The following KCNIP4 variants were observed in gnomAD, a reference collection of about 807,000 sequenced individuals.
The protein encoded by KCNIP4 is Kv channel-interacting protein 4.
In KCNIP4, 12 loss-of-function variants were observed where a neutral mutation model predicts 34.0. The observed-to-expected ratio is 0.35, with a 90% CI of 0.23 to 0.57. The LOEUF (loss-of-function observed/expected upper bound fraction) is 0.57. Among genes scored for constraint, KCNIP4 ranks in the 20% least tolerant of loss-of-function variants. The pLI is 0.83. For synonymous variants in KCNIP4, 124 were observed against 102.2 expected, an observed-to-expected ratio of 1.21 and a Z score of -1.29; for missense variants, 238 against 311.7, an observed-to-expected ratio of 0.76 and a Z score of 1.78.
At position 20,870,695 on chromosome 4, in the gene KCNIP4, A is replaced by G. The variant is rs1723359296; in HGVS notation, c.163+11913T>C. Among the ~76,000 whole-genome samples the G allele has an allele frequency of 2.6e-5, 4 of 152,254 alleles. No homozygotes were observed. The South Asian group carries it at 6.2e-4, about 24-fold the overall frequency. On this transcript the variant is annotated intron_variant, in intron 2 of 8. Transcript: ENST00000382152. ...GTTTGGAATTGATAGGGGAATAAAA[A>G]TCATCTTTTGGAATAGAATTTGAGA...
At chr4:21,896,819 T>G (rs1412574977) in intron 1 of KCNIP4, among the ~76,000 whole-genome samples, 1 of 151,956 alleles carries the variant, frequency 6.6e-6, no homozygotes, top group Non-Finnish European at 1.5e-5. Flanking sequence ...CTCAGGAGGC[T>G]GAGGCAGGAA....
intron 1 of KCNIP4, among the ~76,000 whole-genome samples, chr4:21,904,171 G>GA (rs1255362929): frequency 6.6e-6 from 1 of 151,890 alleles, no homozygotes; most frequent in Non-Finnish European, 1.5e-5. Context: ...AAACAAACAG[G>GA]AAAAAAAATT....
chr4:21,499,346 A>AAAAAAAAAAAAAAC (rs1491409328), intron 1 of KCNIP4, among the ~76,000 whole-genome samples: 162 of 148,718 alleles, frequency 1.1e-3, no homozygotes, highest in African/African-American at 3.8e-3. Context: ...AAAAAAAAAA[A>AAAAAAAAAAAAAAC]CAACTACATA....
At chr4:21,501,985 A>G (rs1254139708) in intron 1 of KCNIP4, among the ~76,000 whole-genome samples, 10 of 108,902 alleles carry the variant, frequency 9.2e-5, no homozygotes, top group African/African-American at 4.0e-4. Context: ...TCTCTCTCTC[A>G]TGCACACGCA....
At chr4:21,017,376 G>A (rs899277384) in intron 1 of KCNIP4, among the ~76,000 whole-genome samples, 1 of 152,044 alleles carries the variant, frequency 6.6e-6, no homozygotes, top group South Asian at 2.1e-4. Flanking sequence ...AGTGTGTGTT[G>A]TTCTCCTCAA....
intron 1 of KCNIP4, among the ~76,000 whole-genome samples, chr4:21,136,711 A>G (rs757683043): frequency 6.6e-6 from 1 of 152,148 alleles, no homozygotes; most frequent in Non-Finnish European, 1.5e-5. Context: ...ATCAAGTTCC[A>G]TACTACTGCT....
At chr4:21,861,795 C>T (rs547978131) in intron 1 of KCNIP4, among the ~76,000 whole-genome samples, 1 of 152,282 alleles carries the variant, frequency 6.6e-6, no homozygotes, top group Non-Finnish European at 1.5e-5. Flanking sequence ...TATTGTTCTT[C>T]CTTGATTGAC....
chr4:21,221,501 A>T (rs1385315314), intron 1 of KCNIP4, among the ~76,000 whole-genome samples: 1 of 152,156 alleles, frequency 6.6e-6, no homozygotes, highest in Non-Finnish European at 1.5e-5. Context: ...CCTAGCAAAG[A>T]GGGGAGAGCC....
Position 20,729,493 on chromosome 4 carries a change from TTTTTAAATGTTTAAAA to T in KCNIP4, c.*573_*588del, listed in dbSNP as rs1747285260. 6.6e-6 allele frequency: 1 copy of T among 150,810 alleles called. No individual in the cohort carries two copies. The highest frequency in any genetic ancestry group is 2.4e-5 in the African/African-American group (1 of 41,294). The allele number at this position is 150,810 out of a possible 1,614,324, so 9.3% of individuals were successfully genotyped here. A position where few individuals can be genotyped will look rare whatever the true frequency, so the allele number is the denominator to read the frequency against. Reference sequence around the variant, plus strand: ...AAACTAATTTTTAAATGTTTAATAATTTTTAAATGTTTAAAAATGCCAGATAAAACTAATTTCTAAC... The same window carrying T: ...AAACTAATTTTTAAATGTTTAATAATATGCCAGATAAAACTAATTTCTAAC... On this transcript the variant is annotated 3_prime_UTR_variant, in exon 9 of 9. Coordinates refer to ENST00000382152, the MANE Select transcript of KCNIP4 (RefSeq NM_025221.6).
At chr4:20,925,587 T>C (rs1041317882) in intron 1 of KCNIP4, among the ~76,000 whole-genome samples, 6 of 151,968 alleles carry the variant, frequency 3.9e-5, no homozygotes, top group Non-Finnish European at 5.9e-5. Flanking sequence ...GTCTATAGAG[T>C]AGCGATTCTT....
chr4:21,531,292 T>TTC (rs913414074), intron 1 of KCNIP4, among the ~76,000 whole-genome samples: 2 of 150,804 alleles, frequency 1.3e-5, no homozygotes, highest in Non-Finnish European at 3.0e-5. Context: ...CTTTCCTTCT[T>TTC]TCTCTCTCTC....
rs555486883 is a variant in KCNIP4 at position 21,793,421 on chromosome 4, C to A, written c.61+155150G>T. On this transcript the variant is annotated intron_variant, in intron 1 of 8. Coordinates refer to ENST00000382152, the MANE Select transcript of KCNIP4 (RefSeq NM_025221.6). ...TACAGGTGTGTGCCACCATGCCCGG[C>A]TAATTTTTGTAATTTTTGTACAGAT... is the stretch of plus-strand genomic sequence containing the variant. Among the ~76,000 whole-genome samples the A allele has an allele frequency of 4.6e-5, 7 of 151,882 alleles. No individual in the cohort carries two copies. In the East Asian group the frequency reaches 1.4e-3, roughly 29 times the overall value.
chr4:20,734,867 G>A (rs566149787), intron 5 of KCNIP4, 132 bp from the exon 6 acceptor site: 88 of 487,920 alleles, frequency 1.8e-4, no homozygotes, highest in African/African-American at 1.6e-3. Flanking sequence ...TGTGTTATTG[G>A]TTGTCTAGTT....
intron 1 of KCNIP4, among the ~76,000 whole-genome samples, chr4:20,955,853 ATCC>A (rs1427893603): frequency 2.6e-5 from 4 of 152,296 alleles, no homozygotes; most frequent in Non-Finnish European, 4.4e-5. Flanking sequence ...ATTAAGTAAT[ATCC>A]TCCTTTTATT....
At position 21,074,131 on chromosome 4, in the gene KCNIP4, T is replaced by G. The variant is rs536141198; in HGVS notation, c.62-191422A>C. On this transcript the variant is annotated intron_variant, in intron 1 of 8. Transcript: ENST00000382152. Reference sequence around the variant, plus strand: ...GTTGTGTCTTTGCCAGGCTTTGGTATCAGGATGATGCTGGCCTCATAAAAT... The same window carrying G: ...GTTGTGTCTTTGCCAGGCTTTGGTAGCAGGATGATGCTGGCCTCATAAAAT... Among the ~76,000 whole-genome samples the G allele has an allele frequency of 5.1e-3, 775 of 152,322 alleles. 3 individuals are homozygous for G. The highest frequency in any genetic ancestry group is 0.011 in the African/African-American group (470 of 41,572).
chr4:21,224,956 T>C (rs1335219921), intron 1 of KCNIP4, among the ~76,000 whole-genome samples: 3 of 152,158 alleles, frequency 2.0e-5, no homozygotes, highest in Non-Finnish European at 4.4e-5. Context: ...TTCAATAAAT[T>C]ACATGAAGTA....
At chr4:21,380,154 C>T (rs1268637322) in intron 1 of KCNIP4, among the ~76,000 whole-genome samples, 1 of 151,992 alleles carries the variant, frequency 6.6e-6, no homozygotes, top group African/African-American at 2.4e-5. Context: ...GCAGAATGTA[C>T]ATTGTAAAAA....
chr4:21,913,357 C>A (rs1728448706), intron 1 of KCNIP4, among the ~76,000 whole-genome samples: 2 of 137,160 alleles, frequency 1.5e-5, no homozygotes, highest in East Asian at 2.9e-4. Flanking sequence ...TTTTTTTTTT[C>A]TTTTTCCTTT....
At chr4:20,849,771 G>A (rs1720804098) in intron 3 of KCNIP4, among the ~76,000 whole-genome samples, 1 of 152,180 alleles carries the variant, frequency 6.6e-6, no homozygotes, top group Non-Finnish European at 1.5e-5. Context: ...TGCCTTTAAG[G>A]ATGAACTGTT....
Sources: gnomAD v4.1 joint callset for allele counts (sites outside exome capture counted in the v4.1 genomes callset) on GRCh38, gnomAD v4.1.1 for gene constraint, MANE v1.5 for transcripts, NCBI Gene and HGNC (gene_info 2026-07-23, HGNC 2026-07-21) for gene names.